Variants in GALNT17 observed in about 807,000 individuals in gnomAD.
GALNT17 encodes polypeptide N-acetylgalactosaminyltransferase 17.
In GALNT17, 29 loss-of-function variants were observed where a neutral mutation model predicts 63.7. The observed-to-expected ratio is 0.46, with a 90% CI of 0.34 to 0.62. The LOEUF (loss-of-function observed/expected upper bound fraction) is 0.62, where lower values mean the gene tolerates loss of function less well. GALNT17 is among the 20% of genes least tolerant of loss of function. GALNT17 has a pLI of 0.01. For synonymous variants in GALNT17, 305 were observed against 318.3 expected, an observed-to-expected ratio of 0.96 and a Z score of 0.45; for missense variants, 603 against 799.6, an observed-to-expected ratio of 0.75 and a Z score of 2.97.
At chr7:71,674,984 G>C (rs1275579645) in intron 8 of GALNT17, among the ~76,000 whole-genome samples, 1 of 152,092 alleles carries the variant, frequency 6.6e-6, no homozygotes, top group Non-Finnish European at 1.5e-5. Flanking sequence ...AGGAGATGGA[G>C]ACCATCCTGG....
At chr7:71,139,098 A>G (rs1787838880) in intron 1 of GALNT17, among the ~76,000 whole-genome samples, 1 of 152,208 alleles carries the variant, frequency 6.6e-6, no homozygotes, top group African/African-American at 2.4e-5. Flanking sequence ...GAAGTTACTT[A>G]TTTCTCTCAT....
chr7:71,572,503 T>C (rs372476472), intron 6 of GALNT17, among the ~76,000 whole-genome samples: 136 of 3,420 alleles, frequency 0.04, 6 homozygotes, highest in African/African-American at 0.13. Flanking sequence ...CCCTGTCTCA[T>C]TAAAAAAAAA....
At chr7:71,621,698 AT>A (rs1192864153) in intron 6 of GALNT17, among the ~76,000 whole-genome samples, 2 of 152,172 alleles carry the variant, frequency 1.3e-5, no homozygotes, top group Non-Finnish European at 2.9e-5. Flanking sequence ...AGATAAAAAT[AT>A]TTTTTTCTTC....
chr7:71,541,032 A>T (rs984429047), intron 5 of GALNT17, among the ~76,000 whole-genome samples: 1 of 152,036 alleles, frequency 6.6e-6, no homozygotes, highest in African/African-American at 2.4e-5. Context: ...TGAGGCCAGG[A>T]GTTTGAGACC....
intron 2 of GALNT17, among the ~76,000 whole-genome samples, chr7:71,365,383 C>A (rs560493770): frequency 6.6e-6 from 1 of 152,206 alleles, no homozygotes; most frequent in African/African-American, 2.4e-5. Flanking sequence ...GTACTACAGG[C>A]GTGCGCCACC....
chr7:71,414,054 C>T (rs1793480108), intron 3 of GALNT17, among the ~76,000 whole-genome samples: 1 of 151,998 alleles, frequency 6.6e-6, no homozygotes, highest in Non-Finnish European at 1.5e-5. Flanking sequence ...CCAGCCTGAC[C>T]AACATGGCGA....
intron 5 of GALNT17, among the ~76,000 whole-genome samples, chr7:71,456,470 G>A (rs999081522): frequency 2.0e-5 from 3 of 151,928 alleles, no homozygotes; most frequent in Non-Finnish European, 4.4e-5. Flanking sequence ...AGGCCGAGGC[G>A]GGTGGGAGGC....
chr7:71,363,016 G>C (rs1037385483), intron 2 of GALNT17, among the ~76,000 whole-genome samples: 2 of 151,732 alleles, frequency 1.3e-5, no homozygotes, highest in African/African-American at 4.8e-5. Flanking sequence ...ACCCAGGCTG[G>C]AGTGCCGTGG....
intron 1 of GALNT17, among the ~76,000 whole-genome samples, chr7:71,160,024 A>G (rs1027243652): frequency 1.3e-5 from 2 of 152,108 alleles, no homozygotes; most frequent in African/African-American, 4.8e-5. Context: ...ACCTCAGGTG[A>G]TCTGCCCACC....
intron 3 of GALNT17, among the ~76,000 whole-genome samples, chr7:71,401,097 C>CTTTTTTTTTTT: frequency 7.1e-6 from 1 of 140,062 alleles, no homozygotes; most frequent in Non-Finnish European, 1.6e-5. Flanking sequence ...TTTTCTTTTT[C>CTTTTTTTTTTT]TTTTTTTTTT....
intron 1 of GALNT17, among the ~76,000 whole-genome samples, chr7:71,169,271 C>G (rs1431169862): frequency 6.6e-6 from 1 of 152,182 alleles, no homozygotes; most frequent in African/African-American, 2.4e-5. Flanking sequence ...ATCTGCTCAG[C>G]TCAGGGAGTC....
intron 1 of GALNT17, among the ~76,000 whole-genome samples, chr7:71,325,095 A>G (rs1791682255): frequency 6.6e-6 from 1 of 152,176 alleles, no homozygotes; most frequent in African/African-American, 2.4e-5. Context: ...CTTTATTACC[A>G]TACTGGATTC....
chr7:71,504,098 G>C (rs1444694541), intron 5 of GALNT17, among the ~76,000 whole-genome samples: 3 of 152,012 alleles, frequency 2.0e-5, no homozygotes, highest in Non-Finnish European at 4.4e-5. Flanking sequence ...CATGGTGGCG[G>C]GAACCTGTAG....
chr7:71,263,762 A>G (rs556423336), intron 1 of GALNT17, among the ~76,000 whole-genome samples: 1 of 152,088 alleles, frequency 6.6e-6, no homozygotes, highest in South Asian at 2.1e-4. Flanking sequence ...TCTCTACTAA[A>G]AAAATACAAA....
intron 5 of GALNT17, among the ~76,000 whole-genome samples, chr7:71,516,144 C>T (rs908483853): frequency 6.6e-6 from 1 of 151,984 alleles, no homozygotes; most frequent in Non-Finnish European, 1.5e-5. Context: ...TTGTCTTTCT[C>T]CAGAATCTGT....
intron 6 of GALNT17, among the ~76,000 whole-genome samples, chr7:71,590,548 C>CTCTGGGTT (rs1427978577): frequency 6.6e-6 from 1 of 152,168 alleles, no homozygotes; most frequent in Non-Finnish European, 1.5e-5. Flanking sequence ...TGATTTATGG[C>CTCTGGGTT]TCTGGGTTTC....
chr7:71,597,835 G>A (rs531223484), intron 6 of GALNT17, among the ~76,000 whole-genome samples: 7 of 152,212 alleles, frequency 4.6e-5, no homozygotes, highest in African/African-American at 1.4e-4. Flanking sequence ...GTGTAGTGTC[G>A]TCTGCCCCAA....
intron 1 of GALNT17, among the ~76,000 whole-genome samples, chr7:71,195,118 T>G (rs2092301964): frequency 6.6e-6 from 1 of 152,220 alleles, no homozygotes; most frequent in Non-Finnish European, 1.5e-5. Context: ...CCTTCTTATA[T>G]CCTCAAAACA....
chr7:71,217,012 G>A (rs1789494560), intron 1 of GALNT17, among the ~76,000 whole-genome samples: 2 of 152,094 alleles, frequency 1.3e-5, no homozygotes, highest in African/African-American at 4.8e-5. Context: ...TGTTTAGCCT[G>A]CAGTTCAGTG....
Sources: gnomAD v4.1 joint callset for allele counts (sites outside exome capture counted in the v4.1 genomes callset) on GRCh38, gnomAD v4.1.1 for gene constraint, MANE v1.5 for transcripts, NCBI Gene and HGNC (gene_info 2026-07-23, HGNC 2026-07-21) for gene names.